CCDC152: variants seen among roughly 807,000 people sequenced by gnomAD.
CCDC152 encodes the protein coiled-coil domain containing 152, also known as coiled-coil domain-containing protein 152.
CCDC152 carries 37 observed loss-of-function variants against 38.1 expected under a neutral mutation model. The observed-to-expected ratio is 0.97, with a 90% CI of 0.75 to 1.28. The LOEUF (loss-of-function observed/expected upper bound fraction) is 1.28, where lower values mean the gene tolerates loss of function less well. Among genes scored for constraint, CCDC152 ranks in the 50% most tolerant of loss-of-function variants. The probability of loss-of-function intolerance (pLI) is 0.00; values close to 1 mark genes in which losing one functional copy is unlikely to be tolerated. For missense variants in CCDC152, 259 were observed against 292.1 expected, an observed-to-expected ratio of 0.89 and a Z score of 0.83; for synonymous variants, 83 against 87.1, an observed-to-expected ratio of 0.95 and a Z score of 0.26.
chr5:42,789,774 T>C (rs562502038), intron 6 of CCDC152, among the ~76,000 whole-genome samples: 4 of 152,336 alleles, frequency 2.6e-5, no homozygotes, highest in African/African-American at 9.6e-5. Flanking sequence ...TATATGGTTG[T>C]TGAAAACCTT....
intron 4 of CCDC152, among the ~76,000 whole-genome samples, chr5:42,770,424 A>G (rs1240381485): frequency 6.6e-6 from 1 of 152,130 alleles, no homozygotes; most frequent in Non-Finnish European, 1.5e-5. Context: ...AGGGCTCAAA[A>G]CAACTTTTCC....
intron 4 of CCDC152, among the ~76,000 whole-genome samples, chr5:42,777,463 A>AAT (rs1258785495): frequency 8.1e-6 from 1 of 123,204 alleles, no homozygotes; most frequent in Admixed American, 7.9e-5. Context: ...ACTTCATCTC[A>AAT]ATATAAAAAA....
At chr5:42,798,451 G>A (rs1237015504) in intron 7 of CCDC152, among the ~76,000 whole-genome samples, 1 of 152,168 alleles carries the variant, frequency 6.6e-6, no homozygotes, top group East Asian at 1.9e-4. Context: ...ACCCTTTGCT[G>A]CTGGTGCTGC....
intron 4 of CCDC152, among the ~76,000 whole-genome samples, chr5:42,772,087 G>A (rs1476662537): frequency 6.6e-6 from 1 of 152,086 alleles, no homozygotes; most frequent in Non-Finnish European, 1.5e-5. Flanking sequence ...TTATCCCTGG[G>A]ATGCAAGTAT....
chr5:42,797,601 C>A (rs1760091724), intron 7 of CCDC152, among the ~76,000 whole-genome samples: 1 of 152,192 alleles, frequency 6.6e-6, no homozygotes, highest in East Asian at 1.9e-4. Context: ...TTCATAATTT[C>A]TACCATTCCA....
chr5:42,802,072 T>G lies in CCDC152; in HGVS notation c.*2291T>G, dbSNP rs1010377477. 6.6e-6 allele frequency: 1 copy of G among 152,194 alleles called. No homozygotes were observed. Among genetic ancestry groups the G allele is most frequent in the Non-Finnish European group, 1.5e-5 (1 of 68,026 alleles). The allele number at this position is 152,194 out of a possible 1,614,324, so 9.4% of individuals were successfully genotyped here. A position where few individuals can be genotyped will look rare whatever the true frequency, so the allele number is the denominator to read the frequency against. ...AATAAACTCTGCTCAAATGTGTTAG[T>G]TTTTCATACTTCATCCTATGCCAGG... On this transcript the variant is annotated 3_prime_UTR_variant, in exon 9 of 9. Transcript: ENST00000361970.
At chr5:42,762,748 A>C (rs1759570158) in intron 3 of CCDC152, among the ~76,000 whole-genome samples, 200 bp downstream of exon 3, 1 of 152,176 alleles carries the variant, frequency 6.6e-6, no homozygotes, top group South Asian at 2.1e-4. Context: ...CCAATGAAGA[A>C]ACATAGAATG....
At position 42,763,242 on chromosome 5, in the gene CCDC152, G is replaced by A. The variant is rs913038196; in HGVS notation, c.193+694G>A. On this transcript the variant is annotated intron_variant, in intron 3 of 8. Coordinates refer to ENST00000361970, the MANE Select transcript of CCDC152 (RefSeq NM_001134848.2). Reference sequence around the variant, plus strand: ...AAAGTGAGACAAAAGCCAACTGAAAGAGCCGAAACTGGAACAACATGAGCT... The same window carrying A: ...AAAGTGAGACAAAAGCCAACTGAAAAAGCCGAAACTGGAACAACATGAGCT... Among the ~76,000 whole-genome samples, 67 of 152,340 alleles carry A rather than the reference G, an allele frequency of 4.4e-4. 3 individuals are homozygous for A. The highest frequency in any genetic ancestry group is 5.2e-4 in the Admixed American group (8 of 15,302).
chr5:42,768,420 T>G (rs1759654163), intron 3 of CCDC152, among the ~76,000 whole-genome samples: 1 of 152,200 alleles, frequency 6.6e-6, no homozygotes, highest in African/African-American at 2.4e-5. Flanking sequence ...AATAGCCAAG[T>G]GGATTTCTAA....
intron 1 of CCDC152, among the ~76,000 whole-genome samples, chr5:42,757,506 G>A (rs1759496625): frequency 6.6e-6 from 1 of 152,202 alleles, no homozygotes; most frequent in Non-Finnish European, 1.5e-5. Context: ...GACGGTTGAA[G>A]CTGAGCCTTG....
At chr5:42,777,510 T>G (rs896740603) in intron 4 of CCDC152, among the ~76,000 whole-genome samples, 19 of 151,646 alleles carry the variant, frequency 1.3e-4, no homozygotes, top group Non-Finnish European at 2.5e-4. Flanking sequence ...AGGAATACTC[T>G]GAACAACTCT....
chr5:42,761,151 A>G (rs1759547849), intron 2 of CCDC152, among the ~76,000 whole-genome samples: 1 of 152,170 alleles, frequency 6.6e-6, no homozygotes, highest in Non-Finnish European at 1.5e-5. Context: ...CTATTTGAAG[A>G]GTATATGGAG....
Position 42,801,686 on chromosome 5 carries a change from G to A in CCDC152, c.*1905G>A. On this transcript the variant is annotated 3_prime_UTR_variant, in exon 9 of 9. Coordinates refer to ENST00000361970, the MANE Select transcript of CCDC152 (RefSeq NM_001134848.2). ...AATCCCACCACTTTGGGTGGCCGAG[G>A]GGGGCAGATTACTTGGGCTCAGGAG... is the stretch of plus-strand genomic sequence containing the variant. 3.6e-6 allele frequency: 1 copy of A among 278,802 alleles called. No homozygotes were observed. The highest frequency in any genetic ancestry group is 6.6e-6 in the Non-Finnish European group (1 of 151,384). The allele number at this position is 278,802 out of a possible 1,614,324, so 17.3% of individuals were successfully genotyped here.
intron 1 of CCDC152, among the ~76,000 whole-genome samples, chr5:42,757,335 A>C (rs1363303243): frequency 1.3e-5 from 2 of 152,134 alleles, no homozygotes; most frequent in African/African-American, 2.4e-5. Context: ...CGAGCGGCGA[A>C]GGACCAACTG....
Position 42,773,325 on chromosome 5 carries a change from C to T in CCDC152, c.262+3660C>T, listed in dbSNP as rs76008947. ...TTCAATGAGATGTAGAAAAAAATTG[C>T]AATTCTTATTTATCTTTATTTTCAT... is the stretch of plus-strand genomic sequence containing the variant. On this transcript the variant is annotated intron_variant, in intron 4 of 8. Coordinates refer to ENST00000361970, the MANE Select transcript of CCDC152 (RefSeq NM_001134848.2). Among the ~76,000 whole-genome samples the T allele has an allele frequency of 3.5e-3, 534 of 152,162 alleles. 4 individuals are homozygous for T. Among genetic ancestry groups the T allele is most frequent in the African/African-American group, 0.012 (518 of 41,522 alleles).
rs1031874211 is a variant in CCDC152, at chr5:42,799,230, TAAAG to T, written c.559-139_559-136del. ...TTGCTCTTTCTGAAAAATTATTTCT[TAAAG>T]AAAGATTTTTCTATTGTCTATACTG... On this transcript the variant is annotated intron_variant, in intron 7 of 8. Coordinates refer to ENST00000361970, the MANE Select transcript of CCDC152 (RefSeq NM_001134848.2). 31 of 458,650 alleles carry T rather than the reference TAAAG, an allele frequency of 6.8e-5. No individual in the cohort carries two copies. The Admixed American group carries it at 7.4e-4, about 11-fold the overall frequency. 28.4% of individuals were successfully genotyped at this position (458,650 alleles called of 1,614,324 possible). A position where few individuals can be genotyped will look rare whatever the true frequency, so the allele number is the denominator to read the frequency against.
chr5:42,792,380 C>T (rs3870358), intron 6 of CCDC152, among the ~76,000 whole-genome samples: 39,428 of 152,092 alleles, frequency 0.26, 5,712 homozygotes, highest in Admixed American at 0.38. Flanking sequence ...TTTTTGCTAA[C>T]AGCCCTCAAT....
chr5:42,767,949 C>T (rs1421940835), intron 3 of CCDC152, among the ~76,000 whole-genome samples: 2 of 152,042 alleles, frequency 1.3e-5, no homozygotes, highest in Admixed American at 6.6e-5. Context: ...GTAATTTAAC[C>T]GTTATTCTCT....
rs924214565 is a variant in CCDC152 at position 42,780,941 on chromosome 5, A to G, written c.327+1419A>G. Among the ~76,000 whole-genome samples, 4 of 152,200 alleles carry G rather than the reference A, an allele frequency of 2.6e-5. No homozygotes were observed. In the East Asian group the frequency reaches 5.8e-4, roughly 22 times the overall value. On this transcript the variant is annotated intron_variant, in intron 5 of 8. Coordinates refer to ENST00000361970, the MANE Select transcript of CCDC152 (RefSeq NM_001134848.2). ...ATTGGGGATTAGTCTCCTTAGAAAA[A>G]TGAAAAGATTACATTTTTTAGGAAT... is the stretch of plus-strand genomic sequence containing the variant.
Sources: gnomAD v4.1 joint callset for allele counts (sites outside exome capture counted in the v4.1 genomes callset) on GRCh38, gnomAD v4.1.1 for gene constraint, MANE v1.5 for transcripts, NCBI Gene and HGNC (gene_info 2026-07-23, HGNC 2026-07-21) for gene names.